SRBD1: variants seen among roughly 807,000 people sequenced by gnomAD.
SRBD1 encodes the protein S1 RNA binding domain 1.
In SRBD1, 88 loss-of-function variants were observed where a neutral mutation model predicts 115.3. The observed-to-expected ratio is 0.76, with a 90% CI of 0.64 to 0.91. SRBD1 has a LOEUF of 0.91. SRBD1 is among the 40% of genes least tolerant of loss of function. SRBD1 has a pLI of 0.00. For synonymous variants in SRBD1, 509 were observed against 407.7 expected (o/e 1.25, Z -2.99); for missense variants, 1,385 against 1,177.4 (o/e 1.18, Z -2.58).
chr2:45,542,483 T>C (rs1293489541), intron 14 of SRBD1, among the ~76,000 whole-genome samples: 1 of 152,188 alleles, frequency 6.6e-6, no homozygotes. Flanking sequence ...TCCCATCACC[T>C]GTGGAGCATG....
At chr2:45,393,155 A>C in intron 19 of SRBD1, 26 bp from the exon 20 acceptor site, 1 of 1,572,606 alleles carries the variant, frequency 6.4e-7, no homozygotes, top group Non-Finnish European at 8.6e-7. Context: ...TAAAAAGCGC[A>C]ACACTTAACA....
At chr2:45,598,896 T>C (rs1673992520) in intron 4 of SRBD1, among the ~76,000 whole-genome samples, 1 of 152,122 alleles carries the variant, frequency 6.6e-6, no homozygotes, top group African/African-American at 2.4e-5. Context: ...TAGCTACTCT[T>C]CGGGTCTCCA....
At chr2:45,498,730 G>C (rs553259535) in intron 14 of SRBD1, among the ~76,000 whole-genome samples, 170 of 152,232 alleles carry the variant, frequency 1.1e-3, no homozygotes, top group Non-Finnish European at 2.1e-3. Context: ...TCCCATATGA[G>C]TGAGAACATG....
intron 14 of SRBD1, among the ~76,000 whole-genome samples, chr2:45,522,768 C>A (rs535466284): frequency 2.0e-5 from 3 of 152,254 alleles, no homozygotes; most frequent in East Asian, 1.9e-4. Flanking sequence ...CTCTTTCTTA[C>A]AATTTTCTTA....
chr2:45,455,143 C>A (rs1407961397), intron 16 of SRBD1, among the ~76,000 whole-genome samples: 1 of 151,788 alleles, frequency 6.6e-6, no homozygotes, highest in Non-Finnish European at 1.5e-5. Context: ...AAGGACATGA[C>A]AAACTCTTTT....
At chr2:45,451,324 G>A (rs1162905109) in intron 16 of SRBD1, among the ~76,000 whole-genome samples, 1 of 151,880 alleles carries the variant, frequency 6.6e-6, no homozygotes, top group Non-Finnish European at 1.5e-5. Context: ...ACTTTACGGG[G>A]GTGAAATTAT....
At chr2:45,538,609 T>C (rs1219160641) in intron 14 of SRBD1, among the ~76,000 whole-genome samples, 5 of 152,192 alleles carry the variant, frequency 3.3e-5, no homozygotes, top group Non-Finnish European at 7.3e-5. Context: ...GAAAAGGCTA[T>C]GAGACCTGTC....
chr2:45,484,716 AACC>A (rs1315061731), intron 15 of SRBD1, among the ~76,000 whole-genome samples: 1 of 152,190 alleles, frequency 6.6e-6, no homozygotes, highest in Non-Finnish European at 1.5e-5. Context: ...CCAAAAGAAA[AACC>A]TGTACCCATT....
At position 45,436,810 on chromosome 2, in the gene SRBD1, T is replaced by C. The variant is rs150504153; in HGVS notation, c.2050-16916A>G. 2.3e-3 allele frequency among the ~76,000 whole-genome samples: 347 copies of C among 152,250 alleles called. 2 individuals carry two copies. Among genetic ancestry groups the C allele is most frequent in the African/African-American group, 8.2e-3 (341 of 41,526 alleles). On this transcript the variant is annotated intron_variant, in intron 16 of 20. Transcript: ENST00000263736. ...GGTGGGGACACAAGGCCTAACCTTATCATGAGGAAAGAAAGAAAACTCTTT... is the reference window on the plus strand; with the variant it reads ...GGTGGGGACACAAGGCCTAACCTTACCATGAGGAAAGAAAGAAAACTCTTT...
intron 1 of SRBD1, among the ~76,000 whole-genome samples, chr2:45,608,951 G>C (rs1674358533): frequency 6.6e-6 from 1 of 151,952 alleles, no homozygotes. Flanking sequence ...GGGATTACAG[G>C]CGTGTACCAC....
chr2:45,567,239 A>G (rs1447803025), intron 9 of SRBD1, among the ~76,000 whole-genome samples: 1 of 152,190 alleles, frequency 6.6e-6, no homozygotes, highest in Non-Finnish European at 1.5e-5. Context: ...AAAATTATAT[A>G]GGGGACTTTT....
At chr2:45,529,251 A>G (rs1252416910) in intron 14 of SRBD1, among the ~76,000 whole-genome samples, 1 of 151,938 alleles carries the variant, frequency 6.6e-6, no homozygotes, top group African/African-American at 2.4e-5. Context: ...AGACAGATAC[A>G]TTTTACATTT....
intron 14 of SRBD1, among the ~76,000 whole-genome samples, chr2:45,520,270 T>C (rs763739703): frequency 6.2e-4 from 94 of 152,190 alleles, no homozygotes; most frequent in South Asian, 1.0e-3. Flanking sequence ...CAGGAGCACA[T>C]ATGCTAAAGC....
At chr2:45,504,587 AAT>A (rs1456522502) in intron 14 of SRBD1, among the ~76,000 whole-genome samples, 2 of 152,340 alleles carry the variant, frequency 1.3e-5, no homozygotes, top group East Asian at 3.9e-4. Flanking sequence ...GCAAAATAAT[AAT>A]AGTTTTTTAA....
chr2:45,482,376 A>G (rs1298594721), intron 15 of SRBD1, among the ~76,000 whole-genome samples: 1 of 152,132 alleles, frequency 6.6e-6, no homozygotes, highest in Non-Finnish European at 1.5e-5. Flanking sequence ...TAAGGTTCCA[A>G]TTAGTTGGGT....
intron 4 of SRBD1, among the ~76,000 whole-genome samples, chr2:45,594,828 A>G (rs1200450703): frequency 1.3e-5 from 2 of 152,258 alleles, no homozygotes; most frequent in Non-Finnish European, 2.9e-5. Context: ...CTAAAGAATG[A>G]TAACAGCCAA....
At chr2:45,554,288 G>T (rs1415789452) in intron 10 of SRBD1, among the ~76,000 whole-genome samples, 1 of 152,194 alleles carries the variant, frequency 6.6e-6, no homozygotes, top group Non-Finnish European at 1.5e-5. Context: ...ACCAGAAAAT[G>T]AATCAGCTGG....
chr2:45,585,278 T>C (rs1031334703), intron 5 of SRBD1, among the ~76,000 whole-genome samples: 1 of 152,204 alleles, frequency 6.6e-6, no homozygotes, highest in Non-Finnish European at 1.5e-5. Flanking sequence ...TTAAAAGAGT[T>C]AGAATAAAAT....
rs3755073 is a variant in SRBD1, at chr2:45,413,235, C to A, written c.2392G>T (p.Val798Phe). The change falls in exon 19 of 21, where the codon GTT (valine) becomes TTT (phenylalanine). Residue 798 changes from valine (V) to phenylalanine (F), a missense_variant. Physicochemically the swap from Val to Phe is conservative, Grantham distance 50. Transcript: ENST00000263736. ...QGVAVTSSADVEVTNEKQGKK... is the reference protein window; with the variant it reads ...QGVAVTSSADFEVTNEKQGKK... The stretch of plus-strand genomic sequence containing the variant: ...CCCTGCTTCTCATTTGTGACCTCAA[C>A]GTCTGCTGAAGATGTCACAGCAACT... 180,621 of 1,613,848 alleles carry A rather than the reference C, an allele frequency of 0.11. 13,312 individuals are homozygous for A. Among genetic ancestry groups the A allele is most frequent in the African/African-American group, 0.32 (24,100 of 74,936 alleles).
Sources: allele counts gnomAD v4.1 joint callset (sites outside exome capture counted in the v4.1 genomes callset), GRCh38; gene constraint gnomAD v4.1.1; transcripts MANE v1.5; gene names NCBI Gene and HGNC (gene_info 2026-07-23, HGNC 2026-07-21).